Variants in NOTCH4 observed in about 807,000 individuals in gnomAD.
NOTCH4 encodes notch receptor 4.
A neutral mutation model predicts 189.0 loss-of-function variants in NOTCH4; 138 were observed. That is an observed-to-expected ratio of 0.73 (90% CI 0.64 to 0.84). The LOEUF is 0.84. NOTCH4 is among the 40% of genes least tolerant of loss of function. The pLI, the probability that NOTCH4 is intolerant of heterozygous loss-of-function variation, is 0.00. For synonymous variants in NOTCH4, 942 were observed against 1,032.8 expected (o/e 0.91, Z 1.69); for missense variants, 2,286 against 2,605.4 (o/e 0.88, Z 2.67).
intron 28 of NOTCH4, 126 bp from the exon 29 acceptor site, chr6:32,196,547 G>T: frequency 8.0e-7 from 1 of 1,248,528 alleles, no homozygotes; most frequent in Non-Finnish European, 1.1e-6. Flanking sequence ...GGCGGGAAGC[G>T]TTGCCCAGGA....
chr6:32,223,122 G>T, intron 1 of NOTCH4, 36 bp from the exon 2 acceptor site: 2 of 1,529,556 alleles, frequency 1.3e-6, no homozygotes, highest in Non-Finnish European at 1.8e-6. Flanking sequence ...GGAAGCCCTG[G>T]GTGCTGTGCC....
At chr6:32,196,710 C>A (rs1448333997) in intron 28 of NOTCH4, among the ~76,000 whole-genome samples, 2 of 152,104 alleles carry the variant, frequency 1.3e-5, no homozygotes, top group East Asian at 1.9e-4. Context: ...CATGCCAGTT[C>A]CCCAGTAAGC....
chr6:32,216,844 A>C, intron 11 of NOTCH4, 101 bp downstream of exon 11: 1 of 1,317,668 alleles, frequency 7.6e-7, no homozygotes, highest in Non-Finnish European at 1.1e-6. Flanking sequence ...TTCTCATTCT[A>C]TTCTCACATC....
rs1367871957 is a variant in NOTCH4, at chr6:32,221,612, G to T, written c.452-287C>A. Among the ~76,000 whole-genome samples, 3 of 152,128 alleles carry T rather than the reference G, an allele frequency of 2.0e-5. No homozygotes were observed. Among genetic ancestry groups the T allele is most frequent in the Non-Finnish European group, 4.4e-5 (3 of 68,008 alleles). On this transcript the variant is annotated intron_variant, in intron 3 of 29. Transcript: ENST00000375023. This position sits in a 1 kb window ranked among gnomAD's most constrained non-coding sequence, Gnocchi z 4.3. ...TGGGTGATCTTGGGGGAGGTGAAAA[G>T]CACCCCACGTCTGCAGGCAGGAGAC... is the stretch of plus-strand genomic sequence containing the variant.
At position 32,214,151 on chromosome 6, in the gene NOTCH4, T is replaced by A; in HGVS notation, c.2126A>T (p.Gln709Leu). ...GCAGGTGCAGTTGTAGCCAGAGGGC[T>A]GGGGGTAGCAGGTCCCCCCATGGGC... ...PCAHGGTCYP[Q>L]PSGYNCTCPT... Residue 709 changes from glutamine (Q) to leucine (L), a missense_variant, in exon 13 of 30, where the codon CAG becomes CTG. Coordinates refer to ENST00000375023, the MANE Select transcript of NOTCH4 (RefSeq NM_004557.4). 6.2e-7 allele frequency: 1 copy of A among 1,613,490 alleles called. No homozygotes were observed.
At position 32,199,046 on chromosome 6, in the gene NOTCH4, C is replaced by G. The variant is rs781446988; in HGVS notation, c.4415G>C (p.Arg1472Pro). The change falls in exon 24 of 30, where the codon CGG becomes CCG. Residue 1472 changes from arginine to proline, a missense_variant. Around this residue, in one of 2 missense-constraint regions of NOTCH4, gnomAD observed 1,903 missense variants for 2,261.9 expected, o/e 0.84. Transcript: ENST00000375023. The surrounding 1 kb of genome is among the most constrained non-coding windows in gnomAD (Gnocchi z 4.9). ...LGALLVLQLI[R>P]RRRREHGALW... ...AGCTCCATGCTCTCGGCGTCGACGC[C>G]GGATGAGCTGGAGGACGAGAAGAGC... The G allele has an allele frequency of 1.2e-6, 2 of 1,612,908 alleles. No individual in the cohort carries two copies. The highest frequency in any genetic ancestry group is 1.7e-6 in the Non-Finnish European group (2 of 1,179,936).
At chr6:32,204,874 CT>C (rs1256792665) in intron 18 of NOTCH4, among the ~76,000 whole-genome samples, 4 of 152,300 alleles carry the variant, frequency 2.6e-5, no homozygotes, top group South Asian at 2.1e-4. Flanking sequence ...AAAAATCCCC[CT>C]AATGACATTT....
At position 32,201,980 on chromosome 6, in the gene NOTCH4, G is replaced by A. The variant is rs1788376851; in HGVS notation, c.3755+96C>T. On this transcript the variant is annotated intron_variant, in intron 21 of 29. Coordinates refer to ENST00000375023, the MANE Select transcript of NOTCH4 (RefSeq NM_004557.4). This position sits in a 1 kb window ranked among gnomAD's most constrained non-coding sequence, Gnocchi z 5.5. Reference sequence around the variant, plus strand: ...AGGGTGGAAACTCCCTGGAGCCCAAGGCTGTGGCCACACTGTAACTCAGAG... The same window carrying A: ...AGGGTGGAAACTCCCTGGAGCCCAAAGCTGTGGCCACACTGTAACTCAGAG... 1.6e-6 allele frequency: 2 copies of A among 1,218,050 alleles called. No individual in the cohort carries two copies. Among genetic ancestry groups the A allele is most frequent in the Non-Finnish European group, 2.2e-6 (2 of 928,336 alleles). The allele number at this position is 1,218,050 out of a possible 1,614,324, so 75.5% of individuals were successfully genotyped here. A position where few individuals can be genotyped will look rare whatever the true frequency, so the allele number is the denominator to read the frequency against.
In NOTCH4 at chr6:32,201,265, T is replaced by C; in HGVS notation, c.3991A>G (p.Lys1331Glu). The C allele has an allele frequency of 6.2e-7, 1 of 1,612,946 alleles. No individual in the cohort carries two copies. The highest frequency in any genetic ancestry group is 8.5e-7 in the Non-Finnish European group (1 of 1,179,990). The change falls in exon 22 of 30, where the codon AAG becomes GAG. Residue 1331 changes from lysine (K) to glutamate (E), a missense_variant. Lys to Glu is a moderately conservative substitution (Grantham distance 56). Transcript: ENST00000375023. The surrounding 1 kb of genome is among the most constrained non-coding windows in gnomAD (Gnocchi z 5.5). ...LTLRVGLWVR[K>E]DRDGRDMVYP... is the part of the protein sequence containing the mutation. Reference sequence around the variant, plus strand: ...ACCATGTCCCTGCCATCACGATCCTTCCTTACCCAGAGTCCTACCCTCAGA... The same window carrying C: ...ACCATGTCCCTGCCATCACGATCCTCCCTTACCCAGAGTCCTACCCTCAGA...
intron 12 of NOTCH4, 149 bp from the exon 13 acceptor site, chr6:32,214,404 A>C (rs1789242418): frequency 1.4e-6 from 1 of 720,748 alleles, no homozygotes. Context: ...CACCGCCCCC[A>C]TCCTCCCCAA....
Position 32,195,870 on chromosome 6 carries a change from C to T in NOTCH4, c.5579G>A (p.Arg1860His), listed in dbSNP as rs372435598. 19 of 1,593,914 alleles carry T rather than the reference C, an allele frequency of 1.2e-5. No individual in the cohort carries two copies. In the African/African-American group the frequency reaches 2.3e-4, roughly 19 times the overall value. Residue 1860 changes from arginine (R) to histidine (H), a missense_variant, in exon 30 of 30, where the codon CGC becomes CAC. Physicochemically the swap from Arg to His is conservative, Grantham distance 29 (BLOSUM62 0). Coordinates refer to ENST00000375023, the MANE Select transcript of NOTCH4 (RefSeq NM_004557.4). The surrounding 1 kb of genome is among the most constrained non-coding windows in gnomAD (Gnocchi z 5.4). ...VPPHGGGALP[R>H]CRTLSAGAGP... ...TGCTCCGGCTGACAGCGTCCGGCAG[C>T]GCGGCAGAGCCCCGCCCCCATGCGG...
chr6:32,220,107 T>A, intron 7 of NOTCH4, 22 bp downstream of exon 7: 1 of 1,611,676 alleles, frequency 6.2e-7, no homozygotes, highest in Non-Finnish European at 8.5e-7. Flanking sequence ...TCAGAGAGGC[T>A]CTGAAGTGGG....
chr6:32,210,667 C>T lies in NOTCH4; in HGVS notation c.2865+85G>A. 1 of 1,319,344 alleles carries T rather than the reference C, an allele frequency of 7.6e-7. No individual in the cohort carries two copies. Among genetic ancestry groups the T allele is most frequent in the Non-Finnish European group, 1.1e-6 (1 of 922,344 alleles). The allele number at this position is 1,319,344 out of a possible 1,614,324, so 81.7% of individuals were successfully genotyped here. ...AAAATAAAAGGAGGTGAAATGGATA[C>T]ATTGGGTCTTCCCTCAGTCACTACT... On this transcript the variant is annotated intron_variant, in intron 18 of 29. Transcript: ENST00000375023. The surrounding 1 kb of genome is among the most constrained non-coding windows in gnomAD (Gnocchi z 4.8).
At chr6:32,197,695 G>T in intron 26 of NOTCH4, 101 bp from the exon 27 acceptor site, 2 of 1,074,742 alleles carry the variant, frequency 1.9e-6, no homozygotes, top group Non-Finnish European at 2.6e-6. Context: ...GTGTTGGGAA[G>T]CTAAGTTCTG....
rs1297788292 is a variant in NOTCH4, at chr6:32,214,987, CTTCT to C, written c.2021+235_2021+238del. On this transcript the variant is annotated intron_variant, in intron 12 of 29. Transcript: ENST00000375023. ...TTAATTCGCCCTGGGATTTAGTGCT[CTTCT>C]TTCTGCTCTGACCCCCTGGTCCTCT... is the stretch of plus-strand genomic sequence containing the variant. 2.6e-5 allele frequency among the ~76,000 whole-genome samples: 4 copies of C among 152,146 alleles called. 1 individual carries two copies. Among genetic ancestry groups the C allele is most frequent in the African/African-American group, 9.7e-5 (4 of 41,440 alleles).
chr6:32,212,571 C>G lies in NOTCH4; in HGVS notation c.2583G>C (p.Gln861His), dbSNP rs2127477455. The change falls in exon 17 of 30, where the codon CAG (glutamine) becomes CAC (histidine). Residue 861 changes from glutamine to histidine, a missense_variant. Gln to His is a conservative substitution (Grantham distance 24). This residue lies in a region of NOTCH4 where 1,903 missense variants were observed against 2,261.9 expected (regional missense o/e 0.84). Transcript: ENST00000375023. This position sits in a 1 kb window ranked among gnomAD's most constrained non-coding sequence, Gnocchi z 4.4. ...ACAAGCAGTGGAAGGAGGGCCCAGT[C>G]TGGAGGCAGTGGGAATTGCGTGGGC... The part of the protein sequence containing the change: ...KPCPRNSHCL[Q>H]TGPSFHCLCL... 6.2e-7 allele frequency: 1 copy of G among 1,613,184 alleles called. No homozygotes were observed. The highest frequency in any genetic ancestry group is 8.5e-7 in the Non-Finnish European group (1 of 1,179,988).
At chr6:32,206,834 G>A (rs182025474) in intron 18 of NOTCH4, among the ~76,000 whole-genome samples, 1 of 151,824 alleles carries the variant, frequency 6.6e-6, no homozygotes, top group African/African-American at 2.4e-5. Context: ...CATGGTGCTG[G>A]CATAAAAAAC....
At chr6:32,204,866 A>G (rs1788575377) in intron 18 of NOTCH4, among the ~76,000 whole-genome samples, 1 of 152,186 alleles carries the variant, frequency 6.6e-6, no homozygotes, top group South Asian at 2.1e-4. Flanking sequence ...CATAACCTAA[A>G]AATCCCCCTA....
At position 32,195,034 on chromosome 6, in the gene NOTCH4, T is replaced by G. The variant is rs1406940098; in HGVS notation, c.*403A>C. The stretch of plus-strand genomic sequence containing the variant: ...TACACAGTGCCTGGCACATAGTAGG[T>G]GCCCAATAAATATTTGTCAGCCATT... On this transcript the variant is annotated 3_prime_UTR_variant, in exon 30 of 30. Coordinates refer to ENST00000375023, the MANE Select transcript of NOTCH4 (RefSeq NM_004557.4). This position sits in a 1 kb window ranked among gnomAD's most constrained non-coding sequence, Gnocchi z 5.4. The G allele has an allele frequency of 3.8e-6, 1 of 260,728 alleles. No homozygotes were observed. Among genetic ancestry groups the G allele is most frequent in the Non-Finnish European group, 7.4e-6 (1 of 135,428 alleles). 16.2% of individuals were successfully genotyped at this position (260,728 alleles called of 1,614,324 possible).
Sources: allele counts gnomAD v4.1 joint callset (sites outside exome capture counted in the v4.1 genomes callset), GRCh38; gene constraint gnomAD v4.1.1; regional missense constraint gnomAD v4.1.1; non-coding constraint Gnocchi (gnomAD v3.1); transcripts MANE v1.5; gene names NCBI Gene and HGNC (gene_info 2026-07-23, HGNC 2026-07-21).